CBL: variants seen among roughly 807,000 people sequenced by gnomAD.
The protein encoded by CBL is E3 ubiquitin-protein ligase CBL.
CBL carries 45 observed loss-of-function variants against 96.9 expected under a neutral mutation model. The observed-to-expected ratio is 0.46, with a 90% CI of 0.37 to 0.60. The LOEUF (loss-of-function observed/expected upper bound fraction) is 0.60, where lower values mean the gene tolerates loss of function less well. Ranked by LOEUF, CBL falls within the 20% of genes least tolerant of loss-of-function variation. The probability of loss-of-function intolerance (pLI) is 0.00; values close to 1 mark genes in which losing one functional copy is unlikely to be tolerated. For synonymous variants in CBL, 420 were observed against 426.8 expected (o/e 0.98, Z 0.20); for missense variants, 1,024 against 1,143.5 (o/e 0.90, Z 1.51).
intron 9 of CBL, among the ~76,000 whole-genome samples, chr11:119,279,675 A>G (rs2135305788): frequency 6.6e-6 from 1 of 152,296 alleles, no homozygotes; most frequent in South Asian, 2.1e-4. Flanking sequence ...AATTGTATAC[A>G]ATGTGTAGTG....
At position 119,247,876 on chromosome 11, in the gene CBL, A is replaced by G. The variant is rs564975097; in HGVS notation, c.443+15181A>G. Among the ~76,000 whole-genome samples, 6 of 152,328 alleles carry G rather than the reference A, an allele frequency of 3.9e-5. No individual in the cohort carries two copies. The South Asian group carries it at 1.0e-3, about 26-fold the overall frequency. On this transcript the variant is annotated intron_variant, in intron 2 of 15. Transcript: ENST00000264033. ...CCAAAAATAAAATTAAGAAAATTCC[A>G]TTTGCAGTAGTATCAAAAATAATAA... is the stretch of plus-strand genomic sequence containing the variant.
intron 11 of CBL, among the ~76,000 whole-genome samples, chr11:119,286,354 G>GTAAAAGTCCTTTCA (rs1949984415): frequency 6.6e-6 from 1 of 152,164 alleles, no homozygotes. Context: ...AAATATTGCA[G>GTAAAAGTCCTTTCA]TAAATGTCCT....
intron 2 of CBL, among the ~76,000 whole-genome samples, chr11:119,264,472 T>TCTC (rs1949784790): frequency 7.9e-6 from 1 of 126,152 alleles, no homozygotes; most frequent in Non-Finnish European, 1.8e-5. Context: ...CTTTTCTTCT[T>TCTC]TTCTCTTTTC....
chr11:119,224,942 C>T (rs1265912060), intron 1 of CBL, among the ~76,000 whole-genome samples: 2 of 151,756 alleles, frequency 1.3e-5, no homozygotes, highest in Non-Finnish European at 2.9e-5. Context: ...AAAAGAACTT[C>T]GTATAAGCAG....
intron 12 of CBL, among the ~76,000 whole-genome samples, chr11:119,296,247 TTG>T (rs1430192253): frequency 1.3e-5 from 2 of 152,172 alleles, no homozygotes; most frequent in African/African-American, 4.8e-5. Context: ...AAGTAGGTTT[TTG>T]TGTGTCTTTT....
At chr11:119,222,516 T>C (rs1021446991) in intron 1 of CBL, among the ~76,000 whole-genome samples, 29 of 152,200 alleles carry the variant, frequency 1.9e-4, no homozygotes, top group African/African-American at 6.8e-4. Flanking sequence ...TTTAACATTG[T>C]TCTGAGTGAT....
At chr11:119,298,658 G>T in intron 15 of CBL, 118 bp downstream of exon 15, 1 of 898,050 alleles carries the variant, frequency 1.1e-6, no homozygotes. Flanking sequence ...TAAACATTAT[G>T]TCTAAATGGG....
chr11:119,251,423 G>A (rs1243449820), intron 2 of CBL, among the ~76,000 whole-genome samples: 4 of 152,148 alleles, frequency 2.6e-5, no homozygotes, highest in Non-Finnish European at 5.9e-5. Flanking sequence ...AAATGTTAAT[G>A]AGCAGTTCTG....
At chr11:119,242,753 A>G (rs985321657) in intron 2 of CBL, among the ~76,000 whole-genome samples, 12 of 151,120 alleles carry the variant, frequency 7.9e-5, no homozygotes, top group African/African-American at 2.9e-4. Flanking sequence ...AAAAAAAAAA[A>G]AAAAAAAAGA....
intron 12 of CBL, among the ~76,000 whole-genome samples, chr11:119,296,455 A>C (rs184437385): frequency 3.3e-5 from 5 of 151,958 alleles, no homozygotes; most frequent in Non-Finnish European, 5.9e-5. Context: ...CGGTCGCTTT[A>C]TCTCTCTCTA....
chr11:119,211,717 T>C (rs1017108597), intron 1 of CBL, among the ~76,000 whole-genome samples: 3 of 152,032 alleles, frequency 2.0e-5, no homozygotes, highest in Non-Finnish European at 4.4e-5. Flanking sequence ...TTGGCTAGGC[T>C]GGTCTCGAAC....
At chr11:119,296,599 G>T (rs890366325) in intron 12 of CBL, among the ~76,000 whole-genome samples, 6 of 152,128 alleles carry the variant, frequency 3.9e-5, no homozygotes, top group Non-Finnish European at 8.8e-5. Context: ...AAATCTTGCC[G>T]TTTCTCTAAC....
chr11:119,213,082 T>C (rs1949331111), intron 1 of CBL, among the ~76,000 whole-genome samples: 1 of 151,970 alleles, frequency 6.6e-6, no homozygotes. Context: ...TCCACAGTGT[T>C]GGGATTACAG....
intron 2 of CBL, among the ~76,000 whole-genome samples, chr11:119,250,887 G>C (rs1049625296): frequency 1.3e-5 from 2 of 152,130 alleles, no homozygotes; most frequent in African/African-American, 4.8e-5. Context: ...GGAGGCAAAG[G>C]TTACAGGTAG....
rs1950111684 is a variant in CBL, at chr11:119,302,919, C to T, written c.*3138C>T. On this transcript the variant is annotated 3_prime_UTR_variant, in exon 16 of 16. Coordinates refer to ENST00000264033, the MANE Select transcript of CBL (RefSeq NM_005188.4). ...AATCTACCATTCTTCTCCTCTCTTT[C>T]TCTTCTTATACAGACCCTCATTACT... The T allele has an allele frequency of 4.3e-6, 1 of 230,138 alleles. No homozygotes were observed. Among genetic ancestry groups the T allele is most frequent in the Admixed American group, 5.7e-5 (1 of 17,654 alleles). The allele number at this position is 230,138 out of a possible 1,614,324, so 14.3% of individuals were successfully genotyped here.
At chr11:119,261,271 A>T (rs181963654) in intron 2 of CBL, among the ~76,000 whole-genome samples, 4 of 152,002 alleles carry the variant, frequency 2.6e-5, no homozygotes, top group African/African-American at 9.7e-5. Flanking sequence ...TGTCCCTTTT[A>T]ATAGTCTTAT....
chr11:119,295,976 G>A (rs986646994), intron 12 of CBL, among the ~76,000 whole-genome samples: 2 of 151,950 alleles, frequency 1.3e-5, no homozygotes, highest in African/African-American at 2.4e-5. Flanking sequence ...TCCCATTAAC[G>A]GCAAAAAACA....
At chr11:119,252,558 A>G (rs1289921603) in intron 2 of CBL, among the ~76,000 whole-genome samples, 1 of 152,160 alleles carries the variant, frequency 6.6e-6, no homozygotes, top group Non-Finnish European at 1.5e-5. Flanking sequence ...AGATACTCTT[A>G]AAATCACTAG....
chr11:119,297,711 A>T (rs182949741), intron 14 of CBL, among the ~76,000 whole-genome samples: 1 of 152,270 alleles, frequency 6.6e-6, no homozygotes, highest in East Asian at 1.9e-4. Context: ...ACCCCTCCCA[A>T]AGTGCTGAGA....
Sources: allele counts gnomAD v4.1 joint callset (sites outside exome capture counted in the v4.1 genomes callset), GRCh38; gene constraint gnomAD v4.1.1; transcripts MANE v1.5; gene names NCBI Gene and HGNC (gene_info 2026-07-23, HGNC 2026-07-21).